GABRG1: variants seen among roughly 807,000 people sequenced by gnomAD.
GABRG1 encodes gamma-aminobutyric acid receptor subunit gamma-1.
In GABRG1, 49 loss-of-function variants were observed where a neutral mutation model predicts 49.8. That is an observed-to-expected ratio of 0.98 (90% CI 0.78 to 1.25). The LOEUF is 1.25. Ranked by LOEUF, GABRG1 falls within the 50% of genes most tolerant of loss-of-function variation. GABRG1 has a pLI of 0.00. For missense variants in GABRG1, 552 were observed against 552.3 expected, an observed-to-expected ratio of 1.00 and a Z score of 0.01; for synonymous variants, 232 against 185.1, an observed-to-expected ratio of 1.25 and a Z score of -2.06.
At chr4:46,105,791 T>TGATAGATA (rs10660132) in intron 1 of GABRG1, among the ~76,000 whole-genome samples, 12,792 of 144,520 alleles carry the variant, frequency 0.089, 574 homozygotes, top group South Asian at 0.11. Flanking sequence ...GGTAGATAGA[T>TGATAGATA]GATAGATAGA....
chr4:46,062,805 G>A (rs1577640952), intron 5 of GABRG1, among the ~76,000 whole-genome samples: 2 of 152,206 alleles, frequency 1.3e-5, no homozygotes, highest in Non-Finnish European at 2.9e-5. Flanking sequence ...AAGCTGATAA[G>A]CAAATTCAGC....
At chr4:46,044,230 T>C (rs1443767445) in intron 8 of GABRG1, among the ~76,000 whole-genome samples, 1 of 152,078 alleles carries the variant, frequency 6.6e-6, no homozygotes, top group Non-Finnish European at 1.5e-5. Flanking sequence ...CCCAGCACTT[T>C]GGGAGGCCAA....
chr4:46,063,952 A>T (rs1718811055), intron 5 of GABRG1, among the ~76,000 whole-genome samples: 1 of 152,144 alleles, frequency 6.6e-6, no homozygotes, highest in Non-Finnish European at 1.5e-5. Flanking sequence ...AATTAAATCA[A>T]CTTATTTCTA....
intron 1 of GABRG1, among the ~76,000 whole-genome samples, chr4:46,112,479 A>G (rs1720747648): frequency 1.3e-5 from 2 of 151,356 alleles, no homozygotes; most frequent in Admixed American, 6.6e-5. Context: ...CAATCCCATT[A>G]CTGGGTATAT....
chr4:46,100,283 G>A (rs1485234456), intron 1 of GABRG1, among the ~76,000 whole-genome samples: 1 of 151,366 alleles, frequency 6.6e-6, no homozygotes, highest in African/African-American at 2.4e-5. Context: ...AGAACACATC[G>A]ACAAATGGAG....
rs532738381 is a variant in GABRG1 at position 46,060,507 on chromosome 4, G to A, written c.626-1885C>T. On this transcript the variant is annotated intron_variant, in intron 5 of 8. Transcript: ENST00000295452. ...TTTGTAGCTAAAAAGTTCTTTCTAC[G>A]TATGGTCACATACATGTTTTAGAAT... 4.9e-4 allele frequency among the ~76,000 whole-genome samples: 74 copies of A among 152,192 alleles called. 1 individual carries two copies. Among genetic ancestry groups the A allele is most frequent in the Admixed American group, 1.6e-3 (24 of 15,282 alleles).
intron 8 of GABRG1, among the ~76,000 whole-genome samples, chr4:46,042,278 A>T (rs1460422886): frequency 6.6e-6 from 1 of 152,004 alleles, no homozygotes; most frequent in Non-Finnish European, 1.5e-5. Context: ...AAACATACAA[A>T]CAATAATAAT....
intron 3 of GABRG1, among the ~76,000 whole-genome samples, chr4:46,081,139 C>T (rs1719551860): frequency 6.6e-6 from 1 of 151,712 alleles, no homozygotes; most frequent in Non-Finnish European, 1.5e-5. Context: ...CTTTCAGGTC[C>T]TTAAATACAT....
intron 1 of GABRG1, among the ~76,000 whole-genome samples, chr4:46,115,377 C>A (rs561297176): frequency 8.3e-4 from 125 of 150,644 alleles, no homozygotes; most frequent in Non-Finnish European, 1.6e-3. Flanking sequence ...CTAATTAGCT[C>A]TTTTAGAAGA....
chr4:46,058,715 C>T, intron 5 of GABRG1, 93 bp from the exon 6 acceptor site: 1 of 956,122 alleles, frequency 1.0e-6, no homozygotes, highest in Non-Finnish European at 1.6e-6. Flanking sequence ...GAACTTTCTC[C>T]TCTTTTTTTA....
At chr4:46,046,078 GT>G (rs1717987462) in intron 8 of GABRG1, among the ~76,000 whole-genome samples, 1 of 152,002 alleles carries the variant, frequency 6.6e-6, no homozygotes, top group African/African-American at 2.4e-5. Context: ...AATGTTCTAG[GT>G]AGAGAATTTT....
chr4:46,093,911 A>G (rs548776353), intron 2 of GABRG1, among the ~76,000 whole-genome samples: 1 of 152,122 alleles, frequency 6.6e-6, no homozygotes, highest in East Asian at 1.9e-4. Context: ...GTAGATGTAT[A>G]GGATTATACA....
In GABRG1 at chr4:46,070,571, G is replaced by A. The variant is rs568792927; in HGVS notation, c.322-4987C>T. Among the ~76,000 whole-genome samples the A allele has an allele frequency of 5.3e-5, 8 of 152,024 alleles. No homozygotes were observed. In the East Asian group the frequency reaches 1.6e-3, roughly 30 times the overall value. On this transcript the variant is annotated intron_variant, in intron 3 of 8. Transcript: ENST00000295452. ...TTCTTGTGAGCTTGTATTAGTAAAG[G>A]TACTCCATAGAAACACAGCCAACGG... is the stretch of plus-strand genomic sequence containing the variant.
chr4:46,051,776 T>C, intron 7 of GABRG1, 138 bp from the exon 8 acceptor site: 1 of 562,496 alleles, frequency 1.8e-6, no homozygotes, highest in East Asian at 2.9e-5. Context: ...TTAATAATTA[T>C]TGGTAGCCAT....
chr4:46,110,238 T>C (rs971864169), intron 1 of GABRG1, among the ~76,000 whole-genome samples: 7 of 151,144 alleles, frequency 4.6e-5, no homozygotes, highest in African/African-American at 1.7e-4. Context: ...AGTCTTCTTG[T>C]TGAATTGCAC....
chr4:46,095,691 A>G (rs975203383), intron 2 of GABRG1, among the ~76,000 whole-genome samples: 3 of 151,878 alleles, frequency 2.0e-5, no homozygotes, highest in Admixed American at 6.6e-5. Flanking sequence ...TGTAGCCACT[A>G]TGTCCTTCAA....
intron 7 of GABRG1, among the ~76,000 whole-genome samples, chr4:46,052,132 T>A (rs2109398317): frequency 6.6e-6 from 1 of 151,820 alleles, no homozygotes; most frequent in African/African-American, 2.4e-5. Flanking sequence ...TCTTAAAACA[T>A]TAGATAATAT....
chr4:46,101,167 A>G (rs1351570967), intron 1 of GABRG1, among the ~76,000 whole-genome samples: 2 of 151,050 alleles, frequency 1.3e-5, no homozygotes, highest in Non-Finnish European at 3.0e-5. Flanking sequence ...ATTTATTAAA[A>G]ATTAATATAC....
chr4:46,089,565 G>A (rs1719905813), intron 2 of GABRG1, among the ~76,000 whole-genome samples: 1 of 152,078 alleles, frequency 6.6e-6, no homozygotes, highest in South Asian at 2.1e-4. Context: ...TCTCAAGAGA[G>A]GATGTCTTTT....
Sources: gnomAD v4.1 joint callset for allele counts (sites outside exome capture counted in the v4.1 genomes callset) on GRCh38, gnomAD v4.1.1 for gene constraint, MANE v1.5 for transcripts, NCBI Gene and HGNC (gene_info 2026-07-23, HGNC 2026-07-21) for gene names.